GRIK2: variants seen among roughly 807,000 people sequenced by gnomAD.
GRIK2 encodes the protein glutamate ionotropic receptor kainate type subunit 2.
Under a neutral mutation model 100.3 loss-of-function variants are expected in GRIK2, and 32 were observed. The observed-to-expected ratio is 0.32, with a 90% confidence interval of 0.24 to 0.43. GRIK2 has a LOEUF of 0.43. Among genes scored for constraint, GRIK2 ranks in the 20% least tolerant of loss-of-function variants. The pLI, the probability that GRIK2 is intolerant of heterozygous loss-of-function variation, is 1.00. For missense variants in GRIK2, 843 were observed against 1,114.9 expected (o/e 0.76, Z 3.47); for synonymous variants, 417 against 389.4 (o/e 1.07, Z -0.83).
At chr6:101,532,404 T>C in intron 2 of GRIK2, among the ~76,000 whole-genome samples, 1 of 151,984 alleles carries the variant, frequency 6.6e-6, no homozygotes, top group African/African-American at 2.4e-5. Flanking sequence ...TACATGCCTG[T>C]GGAACAGAAA....
At chr6:101,805,878 G>A (rs1462703174) in intron 9 of GRIK2, among the ~76,000 whole-genome samples, 1 of 152,060 alleles carries the variant, frequency 6.6e-6, no homozygotes, top group Non-Finnish European at 1.5e-5. Flanking sequence ...AAACCAGGAA[G>A]AAACCAGTAT....
chr6:101,537,498 A>G (rs907893309), intron 2 of GRIK2, among the ~76,000 whole-genome samples: 1 of 150,442 alleles, frequency 6.6e-6, no homozygotes, highest in Non-Finnish European at 1.5e-5. Flanking sequence ...CAGGGAGATT[A>G]TATGTTGGGG....
Position 101,867,288 on chromosome 6 carries a change from A to C in GRIK2, c.1524+7795A>C, listed in dbSNP as rs930846161. On this transcript the variant is annotated intron_variant, in intron 11 of 16. Transcript: ENST00000369134. Reference sequence around the variant, plus strand: ...GCAACTTGAAAAGCAAGTAATTTTTACTTTTAAGGAGACATTCTGTGATTA... The same window carrying C: ...GCAACTTGAAAAGCAAGTAATTTTTCCTTTTAAGGAGACATTCTGTGATTA... Among the ~76,000 whole-genome samples, 6 of 151,984 alleles carry C rather than the reference A, an allele frequency of 3.9e-5. 1 individual carries two copies. The highest frequency in any genetic ancestry group is 1.5e-4 in the African/African-American group (6 of 41,330).
chr6:101,724,347 C>A (rs1011000946), intron 7 of GRIK2, among the ~76,000 whole-genome samples: 4 of 151,866 alleles, frequency 2.6e-5, no homozygotes, highest in African/African-American at 9.7e-5. Flanking sequence ...GTCCCTCCCT[C>A]TCTTCCCCTT....
intron 11 of GRIK2, among the ~76,000 whole-genome samples, chr6:101,873,385 G>A (rs909568989): frequency 5.9e-5 from 9 of 151,416 alleles, no homozygotes; most frequent in African/African-American, 2.2e-4. Context: ...TGAGAATGAT[G>A]GTTTCCAGCT....
At chr6:101,818,551 A>T in intron 10 of GRIK2, 68 bp downstream of exon 10, 1 of 842,730 alleles carries the variant, frequency 1.2e-6, no homozygotes, top group Non-Finnish European at 2.0e-6. Flanking sequence ...AGAAAAGGAC[A>T]TTATAATTGG....
intron 14 of GRIK2, among the ~76,000 whole-genome samples, chr6:101,971,340 G>T (rs1793039026): frequency 6.6e-6 from 1 of 151,870 alleles, no homozygotes; most frequent in East Asian, 1.9e-4. Context: ...TAATCTTCTT[G>T]TAAACATTTT....
At position 101,448,471 on chromosome 6, in the gene GRIK2, G is replaced by T. The variant is rs751223185; in HGVS notation, c.115+49079G>T. Among the ~76,000 whole-genome samples the T allele has an allele frequency of 2.6e-5, 4 of 151,646 alleles. No individual in the cohort carries two copies. In the South Asian group the frequency reaches 8.3e-4, roughly 31 times the overall value. ...TGAACTAACCATAAGTTAGTGGGCA[G>T]TAAAGCGATTATAGGGAAATCAGTT... is the stretch of plus-strand genomic sequence containing the variant. On this transcript the variant is annotated intron_variant, in intron 2 of 16. Transcript: ENST00000369134.
chr6:101,477,874 T>C (rs924247027), intron 2 of GRIK2, among the ~76,000 whole-genome samples: 5 of 152,302 alleles, frequency 3.3e-5, no homozygotes, highest in South Asian at 2.1e-4. Context: ...TGCATCATAA[T>C]AGCAGTGAAA....
intron 10 of GRIK2, among the ~76,000 whole-genome samples, chr6:101,855,096 C>G (rs931718599): frequency 2.0e-5 from 3 of 152,036 alleles, no homozygotes; most frequent in Admixed American, 2.0e-4. Context: ...ATTTTTGAAT[C>G]TGGGAGAAAA....
chr6:101,469,115 C>T (rs1207522461), intron 2 of GRIK2, among the ~76,000 whole-genome samples: 1 of 152,078 alleles, frequency 6.6e-6, no homozygotes, highest in Non-Finnish European at 1.5e-5. Context: ...TCTTTAATAT[C>T]CACCAACTAG....
chr6:101,585,647 G>A (rs1306325586), intron 2 of GRIK2, among the ~76,000 whole-genome samples: 1 of 152,046 alleles, frequency 6.6e-6, no homozygotes, highest in Non-Finnish European at 1.5e-5. Flanking sequence ...GGTGCTCTAG[G>A]CAAAGAGTAT....
intron 2 of GRIK2, among the ~76,000 whole-genome samples, chr6:101,478,606 C>T (rs1477627713): frequency 3.3e-5 from 5 of 151,000 alleles, no homozygotes; most frequent in African/African-American, 9.7e-5. Flanking sequence ...CTCTGCCTCC[C>T]GGGTTCATGC....
chr6:101,977,188 A>C (rs937415797), intron 14 of GRIK2, among the ~76,000 whole-genome samples: 1 of 151,748 alleles, frequency 6.6e-6, no homozygotes, highest in Non-Finnish European at 1.5e-5. Flanking sequence ...AGAGGCTATA[A>C]TAGGAAATAA....
intron 14 of GRIK2, among the ~76,000 whole-genome samples, chr6:102,027,025 G>A (rs1170049066): frequency 1.3e-5 from 2 of 151,184 alleles, no homozygotes; most frequent in Non-Finnish European, 3.0e-5. Flanking sequence ...ATTTATTTCT[G>A]TAATAAAAAA....
chr6:101,703,969 G>T (rs141556347), intron 7 of GRIK2, among the ~76,000 whole-genome samples: 29 of 151,694 alleles, frequency 1.9e-4, no homozygotes, highest in African/African-American at 6.5e-4. Flanking sequence ...CAGCAGAAAT[G>T]GAATTGAATT....
intron 7 of GRIK2, among the ~76,000 whole-genome samples, chr6:101,708,825 T>C (rs935716972): frequency 1.3e-5 from 2 of 151,936 alleles, no homozygotes; most frequent in Admixed American, 1.3e-4. Context: ...GGTTGAATTA[T>C]GTCACCAACA....
chr6:102,016,485 T>C (rs1019762613), intron 14 of GRIK2, among the ~76,000 whole-genome samples: 7 of 151,406 alleles, frequency 4.6e-5, no homozygotes, highest in African/African-American at 1.5e-4. Flanking sequence ...CATATGTAAC[T>C]AACCTGCACA....
At chr6:101,714,287 C>T (rs1227524291) in intron 7 of GRIK2, among the ~76,000 whole-genome samples, 1 of 151,622 alleles carries the variant, frequency 6.6e-6, no homozygotes, top group Admixed American at 6.6e-5. Flanking sequence ...TTAAGTCTTA[C>T]AATACCTGTT....
Sources: gnomAD v4.1 joint callset for allele counts (sites outside exome capture counted in the v4.1 genomes callset) on GRCh38, gnomAD v4.1.1 for gene constraint, MANE v1.5 for transcripts, NCBI Gene and HGNC (gene_info 2026-07-23, HGNC 2026-07-21) for gene names.